The following CDKL4 variants were observed in gnomAD, a reference collection of about 807,000 sequenced individuals.
CDKL4 encodes the protein cyclin dependent kinase like 4.
CDKL4 carries 44 observed loss-of-function variants against 42.0 expected under a neutral mutation model. That is an observed-to-expected ratio of 1.05 (90% CI 0.82 to 1.35). The LOEUF (loss-of-function observed/expected upper bound fraction) is 1.35. Ranked by LOEUF, CDKL4 falls within the 40% of genes most tolerant of loss-of-function variation. The pLI is 0.00. For missense variants in CDKL4, 393 were observed against 369.9 expected, an observed-to-expected ratio of 1.06 and a Z score of -0.51; for synonymous variants, 120 against 121.6, an observed-to-expected ratio of 0.99 and a Z score of 0.09.
At chr2:39,194,197 C>T (rs1161648966) in intron 5 of CDKL4, among the ~76,000 whole-genome samples, 5 of 152,184 alleles carry the variant, frequency 3.3e-5, no homozygotes, top group Non-Finnish European at 5.9e-5. Context: ...GTGGCTCACA[C>T]TTGTAATCCA....
chr2:39,222,538 C>T (rs1678438947), intron 3 of CDKL4, among the ~76,000 whole-genome samples: 3 of 151,908 alleles, frequency 2.0e-5, no homozygotes, highest in Non-Finnish European at 2.9e-5. Context: ...TGCAGTGAGC[C>T]GAGATCGCCC....
chr2:39,237,910 G>T (rs571868266), intron 1 of CDKL4, among the ~76,000 whole-genome samples: 2 of 151,828 alleles, frequency 1.3e-5, no homozygotes, highest in South Asian at 4.2e-4. Context: ...TTATATAATG[G>T]CAACAAACAA....
At chr2:39,220,627 G>A (rs559010120) in intron 3 of CDKL4, among the ~76,000 whole-genome samples, 13 of 151,466 alleles carry the variant, frequency 8.6e-5, no homozygotes, top group Non-Finnish European at 1.6e-4. Context: ...TCGCTCTGTC[G>A]CCCAGGCTGG....
chr2:39,197,761 TAC>T (rs1246512727), intron 5 of CDKL4, among the ~76,000 whole-genome samples: 1 of 152,182 alleles, frequency 6.6e-6, no homozygotes, highest in Non-Finnish European at 1.5e-5. Context: ...TAAGGAAAGA[TAC>T]AGTCTTTTTC....
intron 7 of CDKL4, among the ~76,000 whole-genome samples, chr2:39,185,704 G>A (rs548028794): frequency 1.7e-4 from 25 of 151,496 alleles, no homozygotes; most frequent in Non-Finnish European, 3.1e-4. Flanking sequence ...CTAGTGATCC[G>A]CCTGCCTCGG....
intron 8 of CDKL4, among the ~76,000 whole-genome samples, chr2:39,181,464 T>C (rs1675434537): frequency 6.6e-6 from 1 of 152,186 alleles, no homozygotes; most frequent in African/African-American, 2.4e-5. Flanking sequence ...CCCTGTGAAC[T>C]CCAGACCTGC....
chr2:39,229,603 A>G lies in CDKL4; in HGVS notation c.-56-15T>C. Reference sequence around the variant, plus strand: ...CAATGCTGCACCTGGAAAATAAGGTAGACTTGCCTTAATCAAGCTATAAAA... The same window carrying G: ...CAATGCTGCACCTGGAAAATAAGGTGGACTTGCCTTAATCAAGCTATAAAA... On this transcript the variant is annotated splice_polypyrimidine_tract_variant and intron_variant, in intron 1 of 9. Coordinates refer to ENST00000451199, the Ensembl canonical transcript of CDKL4. The G allele has an allele frequency of 8.0e-7, 1 of 1,247,184 alleles. No homozygotes were observed. The highest frequency in any genetic ancestry group is 1.1e-6 in the Non-Finnish European group (1 of 894,090). The allele number at this position is 1,247,184 out of a possible 1,614,324, so 77.3% of individuals were successfully genotyped here. A position where few individuals can be genotyped will look rare whatever the true frequency, so the allele number is the denominator to read the frequency against.
At chr2:39,168,351 A>T in the CDKL4 span, among the ~76,000 whole-genome samples, 1 of 152,212 alleles carries the variant, frequency 6.6e-6, no homozygotes, top group Admixed American at 6.5e-5. Flanking sequence ...CAGAAAGAAA[A>T]ATTTTAACTT....
At chr2:39,224,890 T>C (rs528215773) in intron 3 of CDKL4, among the ~76,000 whole-genome samples, 1 of 152,344 alleles carries the variant, frequency 6.6e-6, no homozygotes, top group South Asian at 2.1e-4. Flanking sequence ...TGAATTCCAC[T>C]GGTTTTAATA....
intron 1 of CDKL4, among the ~76,000 whole-genome samples, chr2:39,231,712 A>T (rs564742515): frequency 1.2e-4 from 19 of 152,350 alleles, no homozygotes; most frequent in Non-Finnish European, 2.2e-4. Context: ...ATAGTAATAG[A>T]TGGCTGGAAA....
chr2:39,180,996 A>G (rs1470657333), intron 8 of CDKL4, among the ~76,000 whole-genome samples: 1 of 152,202 alleles, frequency 6.6e-6, no homozygotes, highest in Non-Finnish European at 1.5e-5. Context: ...CAGAAATACT[A>G]TTTTGAATAC....
intron 6 of CDKL4, among the ~76,000 whole-genome samples, chr2:39,189,698 T>G (rs1676059665): frequency 6.6e-6 from 1 of 152,222 alleles, no homozygotes; most frequent in African/African-American, 2.4e-5. Flanking sequence ...AAAAAGATTT[T>G]TTGATATTGT....
intron 7 of CDKL4, 64 bp from the exon 8 acceptor site, chr2:39,184,711 T>TGTGC: frequency 9.3e-7 from 1 of 1,073,068 alleles, no homozygotes; most frequent in South Asian, 1.3e-5. Context: ...TGTGTATATA[T>TGTGC]GTGCGTATGT....
chr2:39,178,792 C>T (rs1294067817), intron 9 of CDKL4: 10 of 1,570,048 alleles, frequency 6.4e-6, no homozygotes, highest in Admixed American at 3.8e-5. Context: ...GTCAAGTTAC[C>T]GTTATTGCAC....
At chr2:39,190,240 A>T in intron 6 of CDKL4, 65 bp downstream of exon 6, 1 of 1,052,506 alleles carries the variant, frequency 9.5e-7, no homozygotes, top group Non-Finnish European at 1.4e-6. Context: ...TTTATTTTTT[A>T]TTATAGTAAC....
exon 10 of CDKL4, chr2:39,175,893 A>G: frequency 2.6e-6 from 1 of 384,314 alleles, no homozygotes. Flanking sequence ...AGGCATCTTA[A>G]TTTTCATATG....
rs529799428 is a variant in CDKL4, at chr2:39,208,803, A to T, written c.364-4186T>A. Among the ~76,000 whole-genome samples the T allele has an allele frequency of 6.0e-5, 9 of 150,396 alleles. No homozygotes were observed. The East Asian group carries it at 1.8e-3, about 30-fold the overall frequency. ...TTTAAAATCATCTCTGCAAACTTGC[A>T]CACCAGAAATTGCTTCTTAAATAGC... On this transcript the variant is annotated intron_variant, in intron 4 of 9. Transcript: ENST00000451199.
At chr2:39,182,472 T>G (rs540734686) in intron 8 of CDKL4, among the ~76,000 whole-genome samples, 14 of 152,202 alleles carry the variant, frequency 9.2e-5, no homozygotes, top group Non-Finnish European at 1.8e-4. Context: ...TGAGATGAGC[T>G]GAGTAGAATT....
chr2:39,182,776 G>C (rs1675512337), intron 8 of CDKL4, among the ~76,000 whole-genome samples: 1 of 152,156 alleles, frequency 6.6e-6, no homozygotes, highest in South Asian at 2.1e-4. Flanking sequence ...AAATAAATGA[G>C]TAATAAATAA....
Sources: gnomAD v4.1 joint callset for allele counts (sites outside exome capture counted in the v4.1 genomes callset) on GRCh38, gnomAD v4.1.1 for gene constraint, MANE v1.5 for transcripts, NCBI Gene and HGNC (gene_info 2026-07-23, HGNC 2026-07-21) for gene names.